Variants in CP observed in about 807,000 individuals in gnomAD.
The protein encoded by CP is ceruloplasmin.
A neutral mutation model predicts 122.4 loss-of-function variants in CP; 64 were observed. That is an observed-to-expected ratio of 0.52 (90% CI 0.43 to 0.64). CP has a LOEUF of 0.64. Ranked by LOEUF, CP falls within the 30% of genes least tolerant of loss-of-function variation. The pLI, the probability that CP is intolerant of heterozygous loss-of-function variation, is 0.00. For synonymous variants in CP, 440 were observed against 436.4 expected (o/e 1.01, Z -0.10); for missense variants, 1,167 against 1,284.4 (o/e 0.91, Z 1.40).
chr3:149,215,607 C>A (rs1424535009), intron 1 of CP, among the ~76,000 whole-genome samples: 2 of 152,140 alleles, frequency 1.3e-5, no homozygotes, highest in African/African-American at 2.4e-5. Context: ...TTTGTTTATG[C>A]TTTGTCTCCA....
At position 149,177,961 on chromosome 3, in the gene CP, A is replaced by G. The variant is rs768473457; in HGVS notation, c.2897T>C (p.Phe966Ser). The change falls in exon 17 of 19, where the codon TTT becomes TCT. Residue 966 changes from phenylalanine (F) to serine (S), a missense_variant. Phe to Ser is a radical substitution (Grantham distance 155). Coordinates refer to ENST00000264613, the MANE Select transcript of CP (RefSeq NM_000096.4). Reference sequence around the variant, plus strand: ...CATTGTGAGGCCTTGTAGGTTTCCAAACATTCTTCCATTAATAGCTAGGGA... The same window carrying G: ...CATTGTGAGGCCTTGTAGGTTTCCAGACATTCTTCCATTAATAGCTAGGGA... ...NKMHAINGRM[F>S]GNLQGLTMHV... is the part of the protein sequence containing the mutation. 9 of 1,613,736 alleles carry G rather than the reference A, an allele frequency of 5.6e-6. No homozygotes were observed. The highest frequency in any genetic ancestry group is 6.8e-6 in the Non-Finnish European group (8 of 1,179,640).
chr3:149,185,216 G>A (rs1302083475), intron 12 of CP, 23 bp downstream of exon 12: 1 of 1,609,174 alleles, frequency 6.2e-7, no homozygotes, highest in East Asian at 2.2e-5. Flanking sequence ...GCTGAAATTG[G>A]GAATCAGAGT....
At chr3:149,180,674 C>G (rs574313600) in intron 14 of CP, among the ~76,000 whole-genome samples, 1 of 152,114 alleles carries the variant, frequency 6.6e-6, no homozygotes, top group African/African-American at 2.4e-5. Flanking sequence ...TGAGCTGTTC[C>G]TATGTCCTCA....
intron 9 of CP, among the ~76,000 whole-genome samples, 155 bp downstream of exon 9, chr3:149,198,212 G>A (rs976999710): frequency 6.6e-6 from 1 of 152,282 alleles, no homozygotes; most frequent in East Asian, 1.9e-4. Flanking sequence ...ATTTTAAGGT[G>A]TGATAATTGT....
chr3:149,214,726 G>A (rs1373059946), intron 1 of CP, among the ~76,000 whole-genome samples: 2 of 152,164 alleles, frequency 1.3e-5, no homozygotes, highest in African/African-American at 4.8e-5. Flanking sequence ...TGGGAAAAGG[G>A]CAAGACACTG....
At position 149,199,712 on chromosome 3, in the gene CP, T is replaced by G. The variant is rs139756428; in HGVS notation, c.1501A>C (p.Ser501Arg). 7.6e-5 allele frequency: 122 copies of G among 1,614,082 alleles called. No individual in the cohort carries two copies. In the African/African-American group the frequency reaches 1.4e-3, roughly 19 times the overall value. ...YSPNYNPQSR[S>R]VPPSASHVAP... ...TTGTTACACAGTGCTGTATACTCACTTCTGCTCTGGGGGTTGTAATTTGGG... is the reference window on the plus strand; with the variant it reads ...TTGTTACACAGTGCTGTATACTCACGTCTGCTCTGGGGGTTGTAATTTGGG... Residue 501 changes from serine to arginine, a missense_variant and splice_region_variant, in exon 8 of 19, where the codon AGT becomes CGT. This residue lies in a region of CP where 642 missense variants were observed against 627.3 expected (regional missense o/e 1.02). Transcript: ENST00000264613.
Position 149,183,608 on chromosome 3 carries a change from T to TA in CP, c.2286-4dup, listed in dbSNP as rs561633350. On this transcript the variant is annotated splice_polypyrimidine_tract_variant and splice_region_variant and intron_variant, in intron 12 of 18. Transcript: ENST00000264613. ...TATCTAAAAATGCATTTGAAACACT[T>TA]AAAAAAAAAAACAACTAAGGTTAGT... 0.018 allele frequency: 21,861 copies of TA among 1,200,822 alleles called. 8 individuals carry two copies. The highest frequency in any genetic ancestry group is 0.038 in the East Asian group (1,147 of 29,868). 74.4% of individuals were successfully genotyped at this position (1,200,822 alleles called of 1,614,324 possible). A position where few individuals can be genotyped will look rare whatever the true frequency, so the allele number is the denominator to read the frequency against.
intron 13 of CP, 99 bp from the exon 14 acceptor site, chr3:149,182,232 T>C: frequency 7.2e-7 from 1 of 1,392,426 alleles, no homozygotes. Context: ...CCCCATGGGT[T>C]TGTGGTATAA....
At chr3:149,192,456 A>G (rs1227676257) in intron 9 of CP, among the ~76,000 whole-genome samples, 1 of 151,540 alleles carries the variant, frequency 6.6e-6, no homozygotes, top group Admixed American at 6.6e-5. Flanking sequence ...ACTTACCTAT[A>G]GAATAGAAAA....
rs139918830 is a variant in CP at position 149,162,595 on chromosome 3, C to T, written c.*294G>A. Reference sequence around the variant, plus strand: ...AATGCTAATGGTAAATTATTGATTGCGTGGCCCATGTGATGCTGTGATATT... The same window carrying T: ...AATGCTAATGGTAAATTATTGATTGTGTGGCCCATGTGATGCTGTGATATT... On this transcript the variant is annotated 3_prime_UTR_variant, in exon 6 of 6. Coordinates refer to the CP transcript ENST00000479771. 2.1e-4 allele frequency: 266 copies of T among 1,296,408 alleles called. 4 individuals carry two copies. In the South Asian group the frequency reaches 2.1e-3, roughly 10 times the overall value. The allele number at this position is 1,296,408 out of a possible 1,614,324, so 80.3% of individuals were successfully genotyped here.
chr3:149,202,711 C>T (rs111555036), intron 6 of CP, among the ~76,000 whole-genome samples: 3,363 of 148,856 alleles, frequency 0.023, 58 homozygotes, highest in Middle Eastern at 0.038. Context: ...GGGTTCACGC[C>T]ATTCTCCTGC....
At chr3:149,168,838 A>G (rs958033183), downstream of CP, among the ~76,000 whole-genome samples, 9 of 152,136 alleles carry the variant, frequency 5.9e-5, no homozygotes, top group African/African-American at 2.2e-4. Context: ...ATAATTTATC[A>G]CTGACTGTTT....
chr3:149,188,866 A>G lies in CP; in HGVS notation c.1714-664T>C, dbSNP rs150222270. 7.2e-5 allele frequency among the ~76,000 whole-genome samples: 11 copies of G among 152,332 alleles called. No homozygotes were observed. The East Asian group carries it at 2.1e-3, about 29-fold the overall frequency. On this transcript the variant is annotated intron_variant, in intron 9 of 18. Transcript: ENST00000264613. The stretch of plus-strand genomic sequence containing the variant: ...GAATAAGTGACTCTTAAAGGAGAGA[A>G]TACTTTAGAGATTATTGCCTGTCTT...
At chr3:149,210,579 A>AT (rs1316065565) in intron 2 of CP, among the ~76,000 whole-genome samples, 200 bp from the exon 3 acceptor site, 13 of 152,022 alleles carry the variant, frequency 8.6e-5, no homozygotes, top group African/African-American at 2.2e-4. Flanking sequence ...CATTTTTATT[A>AT]TTTTTTTATA....
At chr3:149,169,038 C>CGTGTGTGTGTGTGT (rs34076994), downstream of CP, among the ~76,000 whole-genome samples, 214 of 149,808 alleles carry the variant, frequency 1.4e-3, no homozygotes, top group African/African-American at 5.0e-3. Context: ...TGTGTGCATA[C>CGTGTGTGTGTGTGT]GTGTGTGTGT....
Position 149,185,403 on chromosome 3 carries a change from G to T in CP, c.2121C>A (p.Gly707=). 1 of 1,614,026 alleles carries T rather than the reference G, an allele frequency of 6.2e-7. No homozygotes were observed. Among genetic ancestry groups the T allele is most frequent in the Non-Finnish European group, 8.5e-7 (1 of 1,179,996 alleles). The change falls in exon 12 of 19, where the codon GGC becomes GGA. Residue 707 remains glycine (G), a synonymous_variant. Coordinates refer to ENST00000264613, the MANE Select transcript of CP (RefSeq NM_000096.4). Reference sequence around the variant, plus strand: ...TCACAGTATATTTTTGCTTCATGCCGCCTGTGTAATGATCAGTTGTAAGGC... The same window carrying T: ...TCACAGTATATTTTTGCTTCATGCCTCCTGTGTAATGATCAGTTGTAAGGC... ...VECLTTDHYT[G]GMKQKYTVNQ...
In CP at chr3:149,177,973, T is replaced by C. The variant is rs1457909945; in HGVS notation, c.2885A>G (p.Asn962Ser). 1 of 1,613,432 alleles carries C rather than the reference T, an allele frequency of 6.2e-7. No homozygotes were observed. The highest frequency in any genetic ancestry group is 1.1e-5 in the South Asian group (1 of 91,070). ...TTGTAGGTTTCCAAACATTCTTCCATTAATAGCTAGGGAAAGCATATGGTT... is the reference window on the plus strand; with the variant it reads ...TTGTAGGTTTCCAAACATTCTTCCACTAATAGCTAGGGAAAGCATATGGTT... ...FIESNKMHAI[N>S]GRMFGNLQGL... is the part of the protein sequence containing the mutation. Residue 962 changes from asparagine (N) to serine (S), a missense_variant, in exon 17 of 19, where the codon AAT (asparagine) becomes AGT (serine). Around this residue, in one of 2 missense-constraint regions of CP, gnomAD observed 525 missense variants for 657.2 expected, o/e 0.80. Coordinates refer to ENST00000264613, the MANE Select transcript of CP (RefSeq NM_000096.4).
chr3:149,186,498 A>G, intron 11 of CP, 22 bp downstream of exon 11: 1 of 1,607,198 alleles, frequency 6.2e-7, no homozygotes, highest in South Asian at 1.1e-5. Context: ...TCCAATAGAG[A>G]CTTGGCTTTA....
chr3:149,218,417 T>C (rs1214391275), intron 1 of CP, among the ~76,000 whole-genome samples: 1 of 152,156 alleles, frequency 6.6e-6, no homozygotes, highest in Non-Finnish European at 1.5e-5. Flanking sequence ...CAGTACTGAG[T>C]ATAAGGAAAT....
Sources: gnomAD v4.1 joint callset for allele counts (sites outside exome capture counted in the v4.1 genomes callset) on GRCh38, gnomAD v4.1.1 for gene constraint, gnomAD v4.1.1 regional missense constraint, MANE v1.5 for transcripts, NCBI Gene and HGNC (gene_info 2026-07-23, HGNC 2026-07-21) for gene names.